BIN1: variants seen among roughly 807,000 people sequenced by gnomAD.
BIN1 encodes bridging integrator 1, also known as myc box-dependent-interacting protein 1.
BIN1 carries 53 observed loss-of-function variants against 82.0 expected under a neutral mutation model. That is an observed-to-expected ratio of 0.65 (90% CI 0.52 to 0.81). BIN1 has a LOEUF of 0.81. Ranked by LOEUF, BIN1 falls within the 40% of genes least tolerant of loss-of-function variation. The pLI, the probability that BIN1 is intolerant of heterozygous loss-of-function variation, is 0.00. For missense variants in BIN1, 642 were observed against 784.4 expected, an observed-to-expected ratio of 0.82 and a Z score of 2.17; for synonymous variants, 302 against 328.0, an observed-to-expected ratio of 0.92 and a Z score of 0.86.
At chr2:127,070,498 G>C in intron 4 of BIN1, 55 bp downstream of exon 4, 2 of 1,593,496 alleles carry the variant, frequency 1.3e-6, no homozygotes, top group Non-Finnish European at 1.7e-6. Flanking sequence ...AGTGGGACAG[G>C]AGCTGAGACC....
intron 10 of BIN1, among the ~76,000 whole-genome samples, chr2:127,060,201 G>C (rs976498965): frequency 2.0e-5 from 3 of 152,200 alleles, no homozygotes; most frequent in Non-Finnish European, 4.4e-5. Flanking sequence ...TCTCCTTAAA[G>C]AATATATGTA....
At chr2:127,052,923 T>C in intron 14 of BIN1, 1 of 262,530 alleles carries the variant, frequency 3.8e-6, no homozygotes, top group South Asian at 5.0e-5. Flanking sequence ...TGCACCTGCC[T>C]GCAGGCCCTG....
chr2:127,060,576 G>A lies in BIN1; in HGVS notation c.858-1421C>T, dbSNP rs201785629. 445 of 1,614,038 alleles carry A rather than the reference G, an allele frequency of 2.8e-4. 3 individuals are homozygous for A. In the East Asian group the frequency reaches 3.2e-3, roughly 12 times the overall value. On this transcript the variant is annotated intron_variant, in intron 10 of 18. Coordinates refer to ENST00000316724, the MANE Select transcript of BIN1 (RefSeq NM_139343.3). Reference sequence around the variant, plus strand: ...AGGGCGCGGGCCTCTGCGCCCCTCCGCAGCACTCACTGCCGGTACCTGTTC... The same window carrying A: ...AGGGCGCGGGCCTCTGCGCCCCTCCACAGCACTCACTGCCGGTACCTGTTC...
chr2:127,064,442 C>G (rs1256867056), intron 7 of BIN1, among the ~76,000 whole-genome samples: 10 of 152,212 alleles, frequency 6.6e-5, no homozygotes, highest in Admixed American at 6.5e-4. Context: ...CCTTCTGGCT[C>G]TCAGGGCAGC....
At chr2:127,063,456 G>GGT in intron 9 of BIN1, 115 bp downstream of exon 9, 1 of 1,142,290 alleles carries the variant, frequency 8.8e-7, no homozygotes, top group Non-Finnish European at 1.3e-6. Flanking sequence ...TGTGGTCACC[G>GGT]GTGTGTGCTG....
At chr2:127,086,118 G>A (rs1678124775) in intron 1 of BIN1, among the ~76,000 whole-genome samples, 1 of 152,178 alleles carries the variant, frequency 6.6e-6, no homozygotes, top group Non-Finnish European at 1.5e-5. Context: ...CATATCCCTA[G>A]GCCACCCTGA....
At chr2:127,084,390 A>G (rs1677862060) in intron 1 of BIN1, among the ~76,000 whole-genome samples, 2 of 152,292 alleles carry the variant, frequency 1.3e-5, no homozygotes, top group African/African-American at 2.4e-5. Context: ...TTGATGCTCA[A>G]ACATCCCAAG....
At chr2:127,080,772 AG>A (rs936232435) in intron 1 of BIN1, among the ~76,000 whole-genome samples, 8 of 143,420 alleles carry the variant, frequency 5.6e-5, no homozygotes, top group African/African-American at 1.5e-4. Context: ...CAGGGCAGGG[AG>A]GGGGGGCAGG....
chr2:127,052,408 C>A (rs1406870309), intron 14 of BIN1, 46 bp from the exon 15 acceptor site: 1 of 1,477,142 alleles, frequency 6.8e-7, no homozygotes, highest in Non-Finnish European at 9.2e-7. Flanking sequence ...GCGGGGAGGC[C>A]GGGGTGGAAA....
At chr2:127,085,922 C>G (rs1186769186) in intron 1 of BIN1, among the ~76,000 whole-genome samples, 1 of 152,184 alleles carries the variant, frequency 6.6e-6, no homozygotes, top group Non-Finnish European at 1.5e-5. Context: ...CAGCTCAGCT[C>G]TCACTTCAGA....
chr2:127,081,170 C>T (rs535084620), intron 1 of BIN1, among the ~76,000 whole-genome samples: 22 of 152,330 alleles, frequency 1.4e-4, no homozygotes, highest in African/African-American at 4.6e-4. Context: ...GCACGGCCAC[C>T]GAACCCAGAA....
intron 11 of BIN1, 47 bp downstream of exon 11, chr2:127,058,964 G>C: frequency 6.5e-7 from 1 of 1,550,318 alleles, no homozygotes; most frequent in Non-Finnish European, 8.7e-7. Context: ...AAAGCCGGAG[G>C]AGAAGGAGGG....
At chr2:127,070,841 G>C in intron 2 of BIN1, 25 bp from the exon 3 acceptor site, 1 of 1,607,316 alleles carries the variant, frequency 6.2e-7, no homozygotes, top group Non-Finnish European at 8.5e-7. Flanking sequence ...ACAAGGACCA[G>C]GTCAGGGACT....
intron 1 of BIN1, among the ~76,000 whole-genome samples, chr2:127,098,519 C>T (rs773979762): frequency 3.3e-5 from 5 of 152,180 alleles, no homozygotes; most frequent in African/African-American, 4.8e-5. Context: ...GCCCCAAGGC[C>T]ACTGTGGCCC....
chr2:127,048,350 C>T lies in BIN1; in HGVS notation c.*176G>A, dbSNP rs1682436453. 4.7e-6 allele frequency: 3 copies of T among 631,932 alleles called. No individual in the cohort carries two copies. Among genetic ancestry groups the T allele is most frequent in the Admixed American group, 5.3e-5 (2 of 37,404 alleles). The allele number at this position is 631,932 out of a possible 1,614,324, so 39.1% of individuals were successfully genotyped here. A position where few individuals can be genotyped will look rare whatever the true frequency, so the allele number is the denominator to read the frequency against. The stretch of plus-strand genomic sequence containing the variant: ...GAATTCCGCCGGACTTGCCGGGACG[C>T]GGCTCTTTGGAAAACGACCTAATCT... On this transcript the variant is annotated 3_prime_UTR_variant, in exon 19 of 19. Transcript: ENST00000316724.
chr2:127,105,612 T>A (rs1680996299), intron 1 of BIN1, among the ~76,000 whole-genome samples: 1 of 151,996 alleles, frequency 6.6e-6, no homozygotes, highest in South Asian at 2.1e-4. Context: ...AACACAGGGA[T>A]GAGCAGTAGG....
intron 1 of BIN1, among the ~76,000 whole-genome samples, chr2:127,089,075 C>G (rs1431298838): frequency 6.6e-6 from 1 of 152,092 alleles, no homozygotes; most frequent in Non-Finnish European, 1.5e-5. Context: ...GTGGACCCCT[C>G]CATAACCTCA....
intron 18 of BIN1, among the ~76,000 whole-genome samples, chr2:127,049,491 C>A (rs185842859): frequency 1.2e-3 from 184 of 152,328 alleles, no homozygotes; most frequent in Non-Finnish European, 2.3e-3. Context: ...CCAGTAGGGT[C>A]GGCCTCATCC....
At chr2:127,088,939 G>C (rs1163617687) in intron 1 of BIN1, among the ~76,000 whole-genome samples, 2 of 152,074 alleles carry the variant, frequency 1.3e-5, no homozygotes, top group Non-Finnish European at 2.9e-5. Flanking sequence ...TGGACGGGAG[G>C]GATGCCACAG....
Sources: gnomAD v4.1 joint callset for allele counts (sites outside exome capture counted in the v4.1 genomes callset) on GRCh38, gnomAD v4.1.1 for gene constraint, MANE v1.5 for transcripts, NCBI Gene and HGNC (gene_info 2026-07-23, HGNC 2026-07-21) for gene names.